SLIT3: variants seen among roughly 807,000 people sequenced by gnomAD.
SLIT3 encodes slit homolog 3 protein.
A neutral mutation model predicts 184.0 loss-of-function variants in SLIT3; 68 were observed. The ratio of observed to expected loss-of-function variants is 0.37; its 90% confidence interval spans 0.30 to 0.45. SLIT3 has a LOEUF of 0.45. SLIT3 is among the 20% of genes least tolerant of loss of function. SLIT3 has a pLI of 1.00. For synonymous variants in SLIT3, 831 were observed against 828.6 expected (o/e 1.00, Z -0.05); for missense variants, 1,707 against 2,026.0 (o/e 0.84, Z 3.02).
rs754749243 is a variant in SLIT3 at position 169,227,223 on chromosome 5, G to A, written c.341+17482C>T. On this transcript the variant is annotated intron_variant, in intron 3 of 35. Transcript: ENST00000519560. ...ACAGTCTGTCTTCTAATTTACACTT[G>A]CTTACATTCTTGGACAAGATTTATA... Among the ~76,000 whole-genome samples the A allele has an allele frequency of 5.1e-4, 78 of 152,260 alleles. 1 individual carries two copies. In the Middle Eastern group the frequency reaches 0.02, roughly 40 times the overall value.
At chr5:168,929,235 T>C (rs1287419095) in intron 4 of SLIT3, among the ~76,000 whole-genome samples, 6 of 152,170 alleles carry the variant, frequency 3.9e-5, no homozygotes. Flanking sequence ...TACCCCCAAG[T>C]GTGGAAATGC....
chr5:168,947,101 A>G (rs1257517294), intron 4 of SLIT3, among the ~76,000 whole-genome samples: 5 of 152,176 alleles, frequency 3.3e-5, no homozygotes, highest in African/African-American at 1.2e-4. Context: ...TGTCTATGGA[A>G]GTAAGAAACA....
chr5:168,840,254 G>A (rs755885213), intron 6 of SLIT3, among the ~76,000 whole-genome samples: 34 of 152,102 alleles, frequency 2.2e-4, no homozygotes, highest in Admixed American at 3.9e-4. Flanking sequence ...TGTTATCTGT[G>A]GTCCGGCATT....
At chr5:168,850,774 C>G (rs1266570149) in intron 5 of SLIT3, among the ~76,000 whole-genome samples, 1 of 152,224 alleles carries the variant, frequency 6.6e-6, no homozygotes, top group Non-Finnish European at 1.5e-5. Context: ...ACATATGCAA[C>G]TTCTCAGCAG....
At position 169,104,528 on chromosome 5, in the gene SLIT3, T is replaced by C. The variant is rs571835008; in HGVS notation, c.413+88951A>G. Reference sequence around the variant, plus strand: ...TATTTAATCTTAAGTCAAAGAACCATTGAATGCATTGATGAACTTTGGGTC... The same window carrying C: ...TATTTAATCTTAAGTCAAAGAACCACTGAATGCATTGATGAACTTTGGGTC... On this transcript the variant is annotated intron_variant, in intron 4 of 35. Coordinates refer to ENST00000519560, the MANE Select transcript of SLIT3 (RefSeq NM_003062.4). Among the ~76,000 whole-genome samples the C allele has an allele frequency of 5.9e-5, 9 of 152,320 alleles. No homozygotes were observed. The South Asian group carries it at 6.2e-4, about 11-fold the overall frequency.
At chr5:168,702,625 G>A (rs1292840913) in intron 26 of SLIT3, among the ~76,000 whole-genome samples, 1 of 152,130 alleles carries the variant, frequency 6.6e-6, no homozygotes, top group African/African-American at 2.4e-5. Context: ...TTAGTTAATG[G>A]TTATATATGT....
intron 4 of SLIT3, among the ~76,000 whole-genome samples, chr5:168,883,744 C>A (rs1760055313): frequency 6.7e-6 from 1 of 150,338 alleles, no homozygotes; most frequent in South Asian, 2.2e-4. Context: ...AATCTCCCAT[C>A]TCTCAGTGCT....
rs530585132 is a variant in SLIT3 at position 168,857,838 on chromosome 5, C to T, written c.486-13183G>A. ...ACCAAAGCGCTCCACGGAAAACCACCGAGCTTAAAAGCCCTCAACGGTGTG... is the reference window on the plus strand; with the variant it reads ...ACCAAAGCGCTCCACGGAAAACCACTGAGCTTAAAAGCCCTCAACGGTGTG... On this transcript the variant is annotated intron_variant, in intron 5 of 35. Transcript: ENST00000519560. Among the ~76,000 whole-genome samples, 6 of 152,290 alleles carry T rather than the reference C, an allele frequency of 3.9e-5. No individual in the cohort carries two copies. In the South Asian group the frequency reaches 8.3e-4, roughly 21 times the overall value.
At chr5:169,130,006 G>T (rs184921599) in intron 4 of SLIT3, among the ~76,000 whole-genome samples, 21 of 152,134 alleles carry the variant, frequency 1.4e-4, no homozygotes, top group Admixed American at 3.9e-4. Flanking sequence ...CCACAACTGC[G>T]CCGGGCTAAT....
intron 6 of SLIT3, among the ~76,000 whole-genome samples, chr5:168,836,018 G>A (rs1758039912): frequency 6.6e-6 from 1 of 152,154 alleles, no homozygotes; most frequent in Non-Finnish European, 1.5e-5. Flanking sequence ...AAGTAGCAAT[G>A]TTGATCCTGT....
intron 1 of SLIT3, among the ~76,000 whole-genome samples, chr5:169,257,532 CCT>C (rs1561770813): frequency 7.6e-6 from 1 of 131,606 alleles, no homozygotes; most frequent in East Asian, 2.3e-4. Flanking sequence ...TTCTATGCCT[CCT>C]TTTTTTTTTT....
chr5:168,940,989 T>C (rs997466124), intron 4 of SLIT3, among the ~76,000 whole-genome samples: 2 of 152,200 alleles, frequency 1.3e-5, no homozygotes, highest in African/African-American at 4.8e-5. Context: ...GGCTCTCGGA[T>C]AAAAGCAAAC....
At chr5:168,805,402 C>G (rs1169351882) in intron 9 of SLIT3, among the ~76,000 whole-genome samples, 1 of 152,076 alleles carries the variant, frequency 6.6e-6, no homozygotes, top group Non-Finnish European at 1.5e-5. Flanking sequence ...GAATATGTAT[C>G]TTTTATTTGG....
At chr5:168,776,264 G>A (rs1036020964) in intron 12 of SLIT3, among the ~76,000 whole-genome samples, 10 of 152,124 alleles carry the variant, frequency 6.6e-5, no homozygotes, top group African/African-American at 1.7e-4. Flanking sequence ...GGTGCACCCC[G>A]CGTGCAGGCA....
At chr5:169,211,358 A>T (rs1015519847) in intron 3 of SLIT3, among the ~76,000 whole-genome samples, 2 of 152,170 alleles carry the variant, frequency 1.3e-5, no homozygotes, top group African/African-American at 4.8e-5. Context: ...TGAACGTTTT[A>T]AAACCCATGT....
chr5:168,873,811 A>G (rs1469130609), intron 5 of SLIT3, among the ~76,000 whole-genome samples: 2 of 152,202 alleles, frequency 1.3e-5, no homozygotes, highest in African/African-American at 2.4e-5. Context: ...AGCTGAAAAA[A>G]AAAACCAAAC....
chr5:168,679,025 C>T (rs1761500015), intron 32 of SLIT3, among the ~76,000 whole-genome samples: 1 of 152,164 alleles, frequency 6.6e-6, no homozygotes, highest in Non-Finnish European at 1.5e-5. Context: ...TAACCACAGG[C>T]ATTGGCCAGA....
chr5:168,878,108 T>A (rs1759805263), intron 5 of SLIT3, among the ~76,000 whole-genome samples: 1 of 152,170 alleles, frequency 6.6e-6, no homozygotes, highest in Non-Finnish European at 1.5e-5. Context: ...TACAGGACAG[T>A]CTCTCTAAGG....
chr5:169,006,172 T>C (rs1046620069), intron 4 of SLIT3, among the ~76,000 whole-genome samples: 2 of 152,224 alleles, frequency 1.3e-5, no homozygotes, highest in African/African-American at 4.8e-5. Flanking sequence ...CTTACTGTAA[T>C]TCAGGGCCTT....
Sources: gnomAD v4.1 joint callset for allele counts (sites outside exome capture counted in the v4.1 genomes callset) on GRCh38, gnomAD v4.1.1 for gene constraint, MANE v1.5 for transcripts, NCBI Gene and HGNC (gene_info 2026-07-23, HGNC 2026-07-21) for gene names.